CNTNAP2: variants seen among roughly 807,000 people sequenced by gnomAD.
CNTNAP2 encodes the protein contactin associated protein 2, also known as contactin-associated protein-like 2.
In CNTNAP2, 98 loss-of-function variants were observed where a neutral mutation model predicts 155.2. The observed-to-expected ratio is 0.63, with a 90% CI of 0.54 to 0.75. The LOEUF (loss-of-function observed/expected upper bound fraction) is 0.75, where lower values mean the gene tolerates loss of function less well. Ranked by LOEUF, CNTNAP2 falls within the 30% of genes least tolerant of loss-of-function variation. The pLI is 0.00. For missense variants in CNTNAP2, 1,727 were observed against 1,688.1 expected (o/e 1.02, Z -0.40); for synonymous variants, 651 against 631.2 (o/e 1.03, Z -0.47).
Position 147,562,208 on chromosome 7 carries a change from T to C in CNTNAP2, c.1848T>C (p.Pro616=), listed in dbSNP as rs750082302. ...GQTSNYYWID[P]DGSGPLGPLK... The stretch of plus-strand genomic sequence containing the variant: ...CATCAAATTATTACTGGATAGATCC[T>C]GATGGCAGCGGACCTCTGGGGCCTC... The change falls in exon 12 of 24, where the codon CCT becomes CCC. Residue 616 remains proline, a synonymous_variant. Transcript: ENST00000361727. 19 of 1,614,036 alleles carry C rather than the reference T, an allele frequency of 1.2e-5. No individual in the cohort carries two copies. The highest frequency in any genetic ancestry group is 1.6e-5 in the Non-Finnish European group (19 of 1,179,930).
intron 15 of CNTNAP2, among the ~76,000 whole-genome samples, chr7:148,082,246 T>C (rs1329574286): frequency 6.6e-6 from 1 of 152,142 alleles, no homozygotes; most frequent in African/African-American, 2.4e-5. Context: ...AAGGGTTAAG[T>C]CAGGGTTGGG....
At chr7:148,166,456 G>A (rs1275588523) in intron 17 of CNTNAP2, among the ~76,000 whole-genome samples, 1 of 151,482 alleles carries the variant, frequency 6.6e-6, no homozygotes, top group Admixed American at 6.6e-5. Flanking sequence ...ACCCAACTTA[G>A]CTCTTTATTA....
chr7:146,748,693 A>G (rs1801854035), intron 1 of CNTNAP2, among the ~76,000 whole-genome samples: 1 of 152,236 alleles, frequency 6.6e-6, no homozygotes, highest in Non-Finnish European at 1.5e-5. Context: ...TGATGGAAAC[A>G]TTTTTAATGA....
intron 16 of CNTNAP2, among the ~76,000 whole-genome samples, chr7:148,141,869 C>T (rs1225661927): frequency 6.6e-6 from 1 of 152,012 alleles, no homozygotes; most frequent in Non-Finnish European, 1.5e-5. Context: ...GTTCTAAGGC[C>T]CTGGGGCAGG....
chr7:147,912,348 G>A (rs1175100854), intron 14 of CNTNAP2, among the ~76,000 whole-genome samples: 1 of 152,090 alleles, frequency 6.6e-6, no homozygotes, highest in Non-Finnish European at 1.5e-5. Context: ...AACTCATTGG[G>A]CCCCTCTGTT....
chr7:147,264,425 G>A (rs1246298556), intron 8 of CNTNAP2, among the ~76,000 whole-genome samples: 2 of 151,924 alleles, frequency 1.3e-5, no homozygotes, highest in African/African-American at 4.8e-5. Flanking sequence ...GGTAGAACAA[G>A]GTAAGAGTCT....
At chr7:146,331,948 T>C (rs985743880) in intron 1 of CNTNAP2, among the ~76,000 whole-genome samples, 2 of 152,184 alleles carry the variant, frequency 1.3e-5, no homozygotes, top group Non-Finnish European at 2.9e-5. Flanking sequence ...ATCACATATT[T>C]TTAAAAGATT....
intron 8 of CNTNAP2, among the ~76,000 whole-genome samples, chr7:147,240,380 A>AAAC (rs1803908980): frequency 3.3e-5 from 5 of 152,228 alleles, no homozygotes; most frequent in Admixed American, 2.0e-4. Flanking sequence ...ATGAGCAAAT[A>AAAC]CAGGTAAACC....
At chr7:147,547,997 C>T (rs1799776233) in intron 11 of CNTNAP2, among the ~76,000 whole-genome samples, 1 of 152,108 alleles carries the variant, frequency 6.6e-6, no homozygotes, top group South Asian at 2.1e-4. Flanking sequence ...TTTCTTTATC[C>T]AGTCTATCAC....
At chr7:147,922,205 A>C (rs1231472223) in intron 14 of CNTNAP2, among the ~76,000 whole-genome samples, 1 of 152,244 alleles carries the variant, frequency 6.6e-6, no homozygotes, top group Admixed American at 6.5e-5. Flanking sequence ...CAAGAAATTC[A>C]TTTAGAGAAA....
At chr7:146,172,479 A>C (rs1181807384) in intron 1 of CNTNAP2, among the ~76,000 whole-genome samples, 1 of 151,964 alleles carries the variant, frequency 6.6e-6, no homozygotes, top group Non-Finnish European at 1.5e-5. Flanking sequence ...ACATTCCAAA[A>C]ATTTTATTGA....
intron 10 of CNTNAP2, among the ~76,000 whole-genome samples, chr7:147,460,883 G>A (rs1343518627): frequency 6.6e-6 from 1 of 152,204 alleles, no homozygotes; most frequent in Admixed American, 6.5e-5. Flanking sequence ...AGTTAGGGAA[G>A]TCAAGCAGTA....
At chr7:146,320,810 A>G (rs1262115827) in intron 1 of CNTNAP2, among the ~76,000 whole-genome samples, 1 of 152,206 alleles carries the variant, frequency 6.6e-6, no homozygotes, top group Non-Finnish European at 1.5e-5. Context: ...TGATTTATAA[A>G]GAAAATAAAA....
Position 147,653,153 on chromosome 7 carries a change from G to T in CNTNAP2, c.2098+13847G>T, listed in dbSNP as rs758342646. On this transcript the variant is annotated intron_variant, in intron 13 of 23. Coordinates refer to ENST00000361727, the MANE Select transcript of CNTNAP2 (RefSeq NM_014141.6). ...GTATTTCAAATAGAACATATGAATT[G>T]TATATTGATTAAATAGAAAAATGCT... is the stretch of plus-strand genomic sequence containing the variant. Among the ~76,000 whole-genome samples, 42 of 152,132 alleles carry T rather than the reference G, an allele frequency of 2.8e-4. 1 individual carries two copies. Among genetic ancestry groups the T allele is most frequent in the Admixed American group, 2.8e-3 (42 of 15,268 alleles).
Position 146,116,939 on chromosome 7 carries a change from C to T in CNTNAP2, c.63C>T (p.Cys21=). 1 of 1,552,240 alleles carries T rather than the reference C, an allele frequency of 6.4e-7. No homozygotes were observed. The highest frequency in any genetic ancestry group is 8.7e-7 in the Non-Finnish European group (1 of 1,147,594). Residue 21 remains cysteine, a synonymous_variant, in exon 1 of 24, where the codon TGC becomes TGT. Coordinates refer to ENST00000361727, the MANE Select transcript of CNTNAP2 (RefSeq NM_014141.6). This position sits in a 1 kb window ranked among gnomAD's most constrained non-coding sequence, Gnocchi z 5.5. ...TCCTGCTGTGGATTGTCAGCAGCTG[C>T]CTCTGCAGAGCCTGGACGGCTCCCT... ...AALLLWIVSS[C]LCRAWTAPST... is the part of the protein sequence containing the mutation.
At chr7:147,820,361 G>A (rs769012121) in intron 13 of CNTNAP2, among the ~76,000 whole-genome samples, 11 of 151,626 alleles carry the variant, frequency 7.3e-5, no homozygotes, top group East Asian at 5.8e-4. Context: ...CTATTTTTTC[G>A]TTGCTGCTTT....
intron 1 of CNTNAP2, among the ~76,000 whole-genome samples, chr7:146,410,207 G>T (rs1269958694): frequency 6.6e-6 from 1 of 152,128 alleles, no homozygotes; most frequent in Non-Finnish European, 1.5e-5. Context: ...GACTGCCTGT[G>T]AGCTAAATTC....
At chr7:146,925,777 A>G (rs1193515290) in intron 3 of CNTNAP2, among the ~76,000 whole-genome samples, 5 of 152,180 alleles carry the variant, frequency 3.3e-5, no homozygotes, top group South Asian at 4.1e-4. Context: ...TACTTGAGAT[A>G]TAATTCATAA....
chr7:146,342,771 T>A (rs1252635982), intron 1 of CNTNAP2, among the ~76,000 whole-genome samples: 2 of 152,240 alleles, frequency 1.3e-5, no homozygotes, highest in Non-Finnish European at 2.9e-5. Flanking sequence ...TGTCAATTCT[T>A]ATGCTAGTAC....
Sources: gnomAD v4.1 joint callset for allele counts (sites outside exome capture counted in the v4.1 genomes callset) on GRCh38, gnomAD v4.1.1 for gene constraint, Gnocchi (gnomAD v3.1) non-coding constraint, MANE v1.5 for transcripts, NCBI Gene and HGNC (gene_info 2026-07-23, HGNC 2026-07-21) for gene names.